The following SNX29 variants were observed in gnomAD, a reference collection of about 807,000 sequenced individuals.
The protein encoded by SNX29 is sorting nexin 29, also known as sorting nexin-29.
In SNX29, 78 loss-of-function variants were observed where a neutral mutation model predicts 102.1. The ratio of observed to expected loss-of-function variants is 0.76; its 90% CI spans 0.64 to 0.92. The LOEUF (loss-of-function observed/expected upper bound fraction) is 0.92, where lower values mean the gene tolerates loss of function less well. Among genes scored for constraint, SNX29 ranks in the 40% least tolerant of loss-of-function variants. The probability of loss-of-function intolerance (pLI) is 0.00; values close to 1 mark genes in which losing one functional copy is unlikely to be tolerated. For missense variants in SNX29, 1,280 were observed against 1,061.7 expected (o/e 1.21, Z -2.86); for synonymous variants, 580 against 414.5 (o/e 1.40, Z -4.85).
intron 16 of SNX29, among the ~76,000 whole-genome samples, chr16:12,388,459 C>G (rs868052945): frequency 6.6e-6 from 1 of 152,226 alleles, no homozygotes; most frequent in African/African-American, 2.4e-5. Flanking sequence ...AGATTTATTC[C>G]TCCCTACCTA....
chr16:12,541,709 C>G (rs570302543), intron 20 of SNX29, among the ~76,000 whole-genome samples: 1 of 152,140 alleles, frequency 6.6e-6, no homozygotes, highest in African/African-American at 2.4e-5. Flanking sequence ...GAGTGGGTTC[C>G]TGATTCCTGT....
chr16:12,547,952 G>C (rs781171556), intron 20 of SNX29, among the ~76,000 whole-genome samples: 4 of 152,146 alleles, frequency 2.6e-5, no homozygotes, highest in Non-Finnish European at 4.4e-5. Flanking sequence ...TGCCCTCAAG[G>C]TGCTCAGTCT....
intron 18 of SNX29, among the ~76,000 whole-genome samples, chr16:12,474,974 T>A (rs111355607): frequency 0.015 from 2,340 of 152,322 alleles, 30 homozygotes; most frequent in Middle Eastern, 0.031. Context: ...CAAGTCCGGA[T>A]CTTGACCTCA....
At chr16:12,568,074 AG>A (rs1567223647) in intron 20 of SNX29, among the ~76,000 whole-genome samples, 3 of 152,170 alleles carry the variant, frequency 2.0e-5, no homozygotes, top group African/African-American at 7.2e-5. Flanking sequence ...TTAATTCCAC[AG>A]GAAGTCCGTC....
rs538529862 is a variant in SNX29, at chr16:12,558,629, C to T, written c.2319-9877C>T. On this transcript the variant is annotated intron_variant, in intron 20 of 20. Coordinates refer to ENST00000566228, the MANE Select transcript of SNX29 (RefSeq NM_032167.5). ...CTGCTCACACAGTGCAGGCCCCGAG[C>T]TTAAAAGAAACCTATTCTCCATCCC... 2.4e-3 allele frequency among the ~76,000 whole-genome samples: 370 copies of T among 152,346 alleles called. 4 individuals are homozygous for T. The highest frequency in any genetic ancestry group is 4.2e-3 in the Non-Finnish European group (288 of 68,038).
At chr16:12,057,048 A>C (rs757506967) in intron 8 of SNX29, among the ~76,000 whole-genome samples, 10 of 152,076 alleles carry the variant, frequency 6.6e-5, no homozygotes, top group Non-Finnish European at 1.3e-4. Context: ...TCCTGGCCTG[A>C]AGTGATCCTC....
chr16:12,187,221 T>G (rs2141874980), intron 13 of SNX29, among the ~76,000 whole-genome samples: 1 of 152,326 alleles, frequency 6.6e-6, no homozygotes, highest in Admixed American at 6.5e-5. Context: ...GCATGCTTCA[T>G]TCTTCTGTTA....
intron 18 of SNX29, among the ~76,000 whole-genome samples, chr16:12,428,691 CA>C (rs2151618329): frequency 6.6e-6 from 1 of 152,286 alleles, no homozygotes; most frequent in Non-Finnish European, 1.5e-5. Context: ...TCCCACCACA[CA>C]GATACGATTG....
chr16:12,058,467 C>T (rs2050610806), intron 8 of SNX29, among the ~76,000 whole-genome samples: 1 of 150,296 alleles, frequency 6.7e-6, no homozygotes, highest in African/African-American at 2.4e-5. Context: ...CCCTTGGGGC[C>T]CACTGGTGTT....
At chr16:12,118,816 C>G (rs529646824) in intron 11 of SNX29, among the ~76,000 whole-genome samples, 1 of 152,194 alleles carries the variant, frequency 6.6e-6, no homozygotes, top group South Asian at 2.1e-4. Flanking sequence ...CTGATTTAGT[C>G]ACTTCGAGGC....
intron 3 of SNX29, among the ~76,000 whole-genome samples, chr16:12,020,854 C>T (rs566252233): frequency 3.3e-5 from 5 of 152,052 alleles, no homozygotes; most frequent in Non-Finnish European, 5.9e-5. Flanking sequence ...GAACTCCTGA[C>T]CTCAGGTGAT....
intron 17 of SNX29, among the ~76,000 whole-genome samples, chr16:12,402,987 A>G (rs2084008560): frequency 6.6e-6 from 1 of 152,176 alleles, no homozygotes; most frequent in South Asian, 2.1e-4. Context: ...GTCAGGGTCT[A>G]AAGTCAGCTC....
intron 16 of SNX29, among the ~76,000 whole-genome samples, chr16:12,396,879 G>C (rs550702963): frequency 6.6e-6 from 1 of 152,298 alleles, no homozygotes; most frequent in Non-Finnish European, 1.5e-5. Context: ...GTACAAAAAA[G>C]TTCAAAATAG....
chr16:12,021,134 A>G (rs1002154066), intron 3 of SNX29, among the ~76,000 whole-genome samples: 1 of 152,198 alleles, frequency 6.6e-6, no homozygotes, highest in Non-Finnish European at 1.5e-5. Flanking sequence ...GCTGTAACAT[A>G]GTAAAAGAAT....
At chr16:12,276,187 C>G (rs1478920196) in intron 14 of SNX29, among the ~76,000 whole-genome samples, 1 of 152,116 alleles carries the variant, frequency 6.6e-6, no homozygotes, top group Non-Finnish European at 1.5e-5. Context: ...AGCCACCGCA[C>G]CTGGCCTTAA....
chr16:12,482,239 G>C (rs2087978136), intron 19 of SNX29, among the ~76,000 whole-genome samples: 1 of 152,028 alleles, frequency 6.6e-6, no homozygotes, highest in African/African-American at 2.4e-5. Flanking sequence ...GACGTGTTTG[G>C]GTTGATTTAA....
Position 12,403,529 on chromosome 16 carries a change from G to A in SNX29, c.2037G>A (p.Gln679=). 6 of 1,602,960 alleles carry A rather than the reference G, an allele frequency of 3.7e-6. No individual in the cohort carries two copies. The highest frequency in any genetic ancestry group is 2.7e-5 in the African/African-American group (2 of 74,838). Residue 679 remains glutamine (Q), a splice_region_variant and synonymous_variant, in exon 18 of 21, where the codon CAG becomes CAA. Coordinates refer to ENST00000566228, the MANE Select transcript of SNX29 (RefSeq NM_032167.5). ...GKAANAFHVY[Q]VYIRIKDDEW... ...CAGCAAATGCATTCCACGTGTATCA[G>A]GTGAGTGCCTGGTTTTCAGGTGGAC...
intron 20 of SNX29, among the ~76,000 whole-genome samples, chr16:12,565,010 T>C (rs1196929301): frequency 2.6e-5 from 4 of 151,974 alleles, no homozygotes; most frequent in Non-Finnish European, 5.9e-5. Flanking sequence ...GTCTCTACTG[T>C]TGGACGCCAG....
At chr16:12,505,721 C>G (rs1350007325) in intron 19 of SNX29, among the ~76,000 whole-genome samples, 1 of 104,064 alleles carries the variant, frequency 9.6e-6, no homozygotes, top group East Asian at 3.1e-4. Context: ...CTCTGGGTTC[C>G]TTAGTTTTTA....
Sources: allele counts gnomAD v4.1 joint callset (sites outside exome capture counted in the v4.1 genomes callset), GRCh38; gene constraint gnomAD v4.1.1; transcripts MANE v1.5; gene names NCBI Gene and HGNC (gene_info 2026-07-23, HGNC 2026-07-21).